The following DOCK4 variants were observed in gnomAD, a reference collection of about 807,000 sequenced individuals.
DOCK4 encodes dedicator of cytokinesis 4.
Under a neutral mutation model 268.1 loss-of-function variants are expected in DOCK4, and 97 were observed. That is an observed-to-expected ratio of 0.36 (90% CI 0.31 to 0.43). The LOEUF (loss-of-function observed/expected upper bound fraction) is 0.43. DOCK4 is among the 20% of genes least tolerant of loss of function. DOCK4 has a pLI of 1.00. For missense variants in DOCK4, 2,145 were observed against 2,455.7 expected, an observed-to-expected ratio of 0.87 and a Z score of 2.67; for synonymous variants, 954 against 887.2, an observed-to-expected ratio of 1.08 and a Z score of -1.34.
intron 26 of DOCK4, among the ~76,000 whole-genome samples, chr7:111,829,618 CAATA>C (rs997198359): frequency 3.3e-5 from 5 of 152,100 alleles, no homozygotes; most frequent in Admixed American, 1.3e-4. Context: ...GCAAGATGCT[CAATA>C]AATGTTTGTT....
chr7:111,962,211 T>A (rs1478870943), intron 8 of DOCK4, among the ~76,000 whole-genome samples: 1 of 152,152 alleles, frequency 6.6e-6, no homozygotes, highest in African/African-American at 2.4e-5. Flanking sequence ...CCTAAAAAAA[T>A]AAACAGTTGC....
chr7:112,155,424 G>A (rs906919035), intron 1 of DOCK4, among the ~76,000 whole-genome samples: 2 of 152,150 alleles, frequency 1.3e-5, no homozygotes, highest in Non-Finnish European at 2.9e-5. Context: ...AATTAAGAAT[G>A]GGTGTTGAGG....
intron 25 of DOCK4, among the ~76,000 whole-genome samples, chr7:111,841,183 G>A (rs1412807056): frequency 2.0e-5 from 3 of 148,752 alleles, no homozygotes; most frequent in Admixed American, 1.3e-4. Context: ...ATTTATTTAT[G>A]AGACAGGGTC....
At chr7:111,732,001 A>C (rs1278375001) in intron 52 of DOCK4, among the ~76,000 whole-genome samples, 1 of 152,228 alleles carries the variant, frequency 6.6e-6, no homozygotes, top group East Asian at 1.9e-4. Flanking sequence ...TACCATTTGG[A>C]GAATGAGGCT....
At chr7:112,049,159 C>T (rs1258074846) in intron 1 of DOCK4, among the ~76,000 whole-genome samples, 1 of 152,082 alleles carries the variant, frequency 6.6e-6, no homozygotes, top group Admixed American at 6.6e-5. Context: ...TTTAAATCAC[C>T]TTAAAAGTCA....
intron 44 of DOCK4, among the ~76,000 whole-genome samples, chr7:111,742,668 G>A (rs148248943): frequency 0.01 from 1,540 of 152,290 alleles, 34 homozygotes; most frequent in African/African-American, 0.035. Context: ...GGAATTCTAT[G>A]ACAGTTTCCA....
intron 17 of DOCK4, among the ~76,000 whole-genome samples, chr7:111,876,675 C>T (rs569040082): frequency 1.3e-5 from 2 of 151,412 alleles, no homozygotes; most frequent in Non-Finnish European, 2.9e-5. Context: ...CAAAAAACAG[C>T]CTTTATTCTA....
intron 8 of DOCK4, among the ~76,000 whole-genome samples, chr7:111,962,278 G>C (rs1347714763): frequency 8.5e-5 from 13 of 152,118 alleles, no homozygotes; most frequent in Admixed American, 6.6e-5. Flanking sequence ...TTTCTGGTTA[G>C]GTTAGGTGTA....
intron 13 of DOCK4, among the ~76,000 whole-genome samples, chr7:111,905,626 T>C (rs1166306179): frequency 6.6e-6 from 1 of 152,136 alleles, no homozygotes; most frequent in East Asian, 1.9e-4. Context: ...CACCATAGCA[T>C]GTAAACCACT....
chr7:112,126,720 C>A (rs1813252069), intron 1 of DOCK4, among the ~76,000 whole-genome samples: 2 of 152,142 alleles, frequency 1.3e-5, no homozygotes, highest in South Asian at 2.1e-4. Context: ...AAGAAAAAAA[C>A]AAACAACCCC....
chr7:111,872,226 G>A (rs780587948), intron 19 of DOCK4, 43 bp downstream of exon 19: 14 of 1,430,648 alleles, frequency 9.8e-6, no homozygotes, highest in Admixed American at 4.6e-5. Context: ...TCAAGATTGA[G>A]AGACAAAACA....
At chr7:112,046,605 G>A (rs1214414076) in intron 1 of DOCK4, among the ~76,000 whole-genome samples, 1 of 152,172 alleles carries the variant, frequency 6.6e-6, no homozygotes, top group African/African-American at 2.4e-5. Context: ...GATCACTTGA[G>A]CCATGATCTC....
intron 44 of DOCK4, 117 bp from the exon 45 acceptor site, chr7:111,742,249 T>C: frequency 9.1e-7 from 1 of 1,096,672 alleles, no homozygotes; most frequent in Non-Finnish European, 1.2e-6. Flanking sequence ...ATCCTCTGCC[T>C]CTGACAAGGT....
chr7:111,925,395 C>T (rs369408819), intron 12 of DOCK4, among the ~76,000 whole-genome samples: 23 of 152,016 alleles, frequency 1.5e-4, no homozygotes, highest in African/African-American at 5.3e-4. Flanking sequence ...GTCTCTGAAG[C>T]AGAGGAAAGA....
intron 7 of DOCK4, among the ~76,000 whole-genome samples, chr7:111,977,938 C>T (rs531164045): frequency 6.6e-6 from 1 of 152,286 alleles, no homozygotes; most frequent in East Asian, 1.9e-4. Flanking sequence ...TCAATACAGC[C>T]AGTCCAGGCT....
At chr7:112,166,989 T>G (rs1817664871) in intron 1 of DOCK4, among the ~76,000 whole-genome samples, 1 of 152,112 alleles carries the variant, frequency 6.6e-6, no homozygotes, top group African/African-American at 2.4e-5. Context: ...CTGTATTTGT[T>G]GGGGCTGTAT....
At chr7:111,922,118 C>G (rs1369199101) in intron 12 of DOCK4, among the ~76,000 whole-genome samples, 2 of 152,178 alleles carry the variant, frequency 1.3e-5, no homozygotes, top group Non-Finnish European at 2.9e-5. Flanking sequence ...GTGCTGTCCT[C>G]AGATACTAGT....
At chr7:111,995,372 T>C (rs1799855300) in intron 4 of DOCK4, among the ~76,000 whole-genome samples, 1 of 151,784 alleles carries the variant, frequency 6.6e-6, no homozygotes, top group Admixed American at 6.6e-5. Flanking sequence ...CTTTGGCATA[T>C]AATAATCTTC....
At chr7:111,917,420 G>A (rs952518054) in intron 12 of DOCK4, among the ~76,000 whole-genome samples, 2 of 152,066 alleles carry the variant, frequency 1.3e-5, no homozygotes, top group African/African-American at 4.8e-5. Flanking sequence ...TCAATTTAAA[G>A]ATGAATTTGC....
Sources: gnomAD v4.1 joint callset for allele counts (sites outside exome capture counted in the v4.1 genomes callset) on GRCh38, gnomAD v4.1.1 for gene constraint, MANE v1.5 for transcripts, NCBI Gene and HGNC (gene_info 2026-07-23, HGNC 2026-07-21) for gene names.